Variants in CFAP54 observed in about 807,000 individuals in gnomAD.
CFAP54 encodes cilia- and flagella-associated protein 54.
CFAP54 carries 290 observed loss-of-function variants against 370.4 expected under a neutral mutation model. The observed-to-expected ratio is 0.78, with a 90% CI of 0.71 to 0.86. CFAP54 has a LOEUF of 0.86. CFAP54 is among the 40% of genes least tolerant of loss of function. The pLI is 0.00. For synonymous variants in CFAP54, 1,206 were observed against 1,236.5 expected (o/e 0.98, Z 0.52); for missense variants, 3,399 against 3,528.7 (o/e 0.96, Z 0.93).
intron 5 of CFAP54, among the ~76,000 whole-genome samples, chr12:96,513,708 A>G (rs1000630896): frequency 7.2e-5 from 11 of 151,948 alleles, no homozygotes; most frequent in African/African-American, 2.7e-4. Context: ...GCCACTTTGC[A>G]CTCTAGCCTG....
At chr12:96,850,968 G>T (rs1774991632) in intron 66 of CFAP54, among the ~76,000 whole-genome samples, 1 of 152,162 alleles carries the variant, frequency 6.6e-6, no homozygotes, top group African/African-American at 2.4e-5. Flanking sequence ...TGAGATTTGG[G>T]TGGGGACACA....
intron 44 of CFAP54, among the ~76,000 whole-genome samples, chr12:96,691,514 A>G (rs1592710901): frequency 1.3e-5 from 2 of 152,152 alleles, no homozygotes; most frequent in Non-Finnish European, 2.9e-5. Context: ...AAAGCAGTCT[A>G]TTTGACTTTT....
intron 35 of CFAP54, 128 bp from the exon 36 acceptor site, chr12:96,651,460 A>C (rs1956856537): frequency 6.9e-6 from 5 of 720,324 alleles, no homozygotes; most frequent in Non-Finnish European, 1.2e-5. Flanking sequence ...TAACTCATGT[A>C]AGTGACCCTA....
intron 63 of CFAP54, among the ~76,000 whole-genome samples, chr12:96,807,666 G>A (rs1231083567): frequency 2.0e-5 from 3 of 152,128 alleles, no homozygotes; most frequent in African/African-American, 7.2e-5. Context: ...CTGGCCCCTT[G>A]AAGACTGAAA....
At chr12:96,728,829 T>C (rs1592729562) in intron 50 of CFAP54, among the ~76,000 whole-genome samples, 2 of 152,270 alleles carry the variant, frequency 1.3e-5, no homozygotes, top group East Asian at 3.9e-4. Context: ...GGGTCTTTGA[T>C]GATGGTGATG....
intron 14 of CFAP54, among the ~76,000 whole-genome samples, chr12:96,544,274 T>G (rs188318893): frequency 6.6e-5 from 10 of 152,326 alleles, no homozygotes; most frequent in Admixed American, 3.9e-4. Context: ...GCATACCTTT[T>G]GTTAAAGAGT....
chr12:96,509,601 A>G (rs903081932), intron 4 of CFAP54, among the ~76,000 whole-genome samples: 1 of 151,992 alleles, frequency 6.6e-6, no homozygotes, highest in Admixed American at 6.6e-5. Flanking sequence ...AGATCACCTG[A>G]GGTCAGGAGT....
chr12:96,684,771 G>C, intron 41 of CFAP54, 36 bp downstream of exon 41: 1 of 1,502,650 alleles, frequency 6.7e-7, no homozygotes, highest in Non-Finnish European at 9.1e-7. Flanking sequence ...AAGGGCAAAG[G>C]TTTTTTATTT....
At chr12:96,506,145 C>T (rs2136352880) in intron 3 of CFAP54, among the ~76,000 whole-genome samples, 1 of 152,160 alleles carries the variant, frequency 6.6e-6, no homozygotes. Context: ...CGAGACCATC[C>T]TGGCTAACAC....
intron 65 of CFAP54, among the ~76,000 whole-genome samples, chr12:96,820,800 GCTCT>G (rs777035404): frequency 1.3e-5 from 2 of 152,026 alleles, no homozygotes; most frequent in Non-Finnish European, 2.9e-5. Flanking sequence ...AAATAATTCA[GCTCT>G]CTATTTTTAT....
intron 63 of CFAP54, among the ~76,000 whole-genome samples, chr12:96,796,097 A>G (rs1407428680): frequency 6.6e-6 from 1 of 152,144 alleles, no homozygotes; most frequent in African/African-American, 2.4e-5. Flanking sequence ...GAGGGTGGAC[A>G]TTCCCCCTCT....
chr12:96,580,881 A>G, intron 21 of CFAP54, 39 bp from the exon 22 acceptor site: 1 of 1,337,768 alleles, frequency 7.5e-7, no homozygotes, highest in Non-Finnish European at 9.8e-7. Context: ...TGTTATTTTA[A>G]TTTTTCATGT....
At chr12:96,531,026 T>C (rs559736797) in intron 9 of CFAP54, among the ~76,000 whole-genome samples, 1 of 152,330 alleles carries the variant, frequency 6.6e-6, no homozygotes, top group East Asian at 1.9e-4. Flanking sequence ...GTTAATTATT[T>C]CTCTTGAGTT....
Position 96,851,328 on chromosome 12 carries a change from G to A in CFAP54, c.9172-9491G>A, listed in dbSNP as rs972934964. Among the ~76,000 whole-genome samples the A allele has an allele frequency of 2.6e-5, 4 of 151,972 alleles. No homozygotes were observed. The South Asian group carries it at 8.3e-4, about 32-fold the overall frequency. On this transcript the variant is annotated intron_variant, in intron 66 of 67. Transcript: ENST00000524981. Reference sequence around the variant, plus strand: ...TTAGTAAAATGTTTGCTTCATAAATGTATCCTGACCATATTTAGGTGGTTT... The same window carrying A: ...TTAGTAAAATGTTTGCTTCATAAATATATCCTGACCATATTTAGGTGGTTT...
At chr12:96,581,745 T>C (rs1956035110) in intron 22 of CFAP54, among the ~76,000 whole-genome samples, 2 of 152,032 alleles carry the variant, frequency 1.3e-5, no homozygotes, top group African/African-American at 4.8e-5. Context: ...TAAATCATAG[T>C]ATACATATTA....
chr12:96,633,914 T>A (rs1420838563), intron 32 of CFAP54, among the ~76,000 whole-genome samples: 1 of 152,186 alleles, frequency 6.6e-6, no homozygotes, highest in Non-Finnish European at 1.5e-5. Context: ...ATATGAGTGA[T>A]CTAGTTTCTA....
chr12:96,846,541 G>T (rs1267858006), intron 66 of CFAP54, among the ~76,000 whole-genome samples: 1 of 152,096 alleles, frequency 6.6e-6, no homozygotes, highest in African/African-American at 2.4e-5. Flanking sequence ...TTTTCTCTAG[G>T]CCTTGGAGTC....
Position 96,786,772 on chromosome 12 carries a change from T to A in CFAP54, c.8553T>A (p.His2851Gln). 1 of 1,535,818 alleles carries A rather than the reference T, an allele frequency of 6.5e-7. No individual in the cohort carries two copies. The highest frequency in any genetic ancestry group is 8.7e-7 in the Non-Finnish European group (1 of 1,146,658). ...TGATTTTGCGCCAGAAAGAAGTGCA[T>A]TTTTTCCTTAAAAAATTCTTACAGC... ...SELILRQKEVHFFLKKFLQLY... is the reference protein window; with the variant it reads ...SELILRQKEVQFFLKKFLQLY... Residue 2851 changes from histidine to glutamine, a missense_variant, in exon 62 of 68, where the codon CAT (histidine) becomes CAA (glutamine). Physicochemically the swap from His to Gln is conservative, Grantham distance 24. Transcript: ENST00000524981.
chr12:96,686,289 C>A (rs556840437), intron 42 of CFAP54, among the ~76,000 whole-genome samples: 1 of 152,186 alleles, frequency 6.6e-6, no homozygotes, highest in Non-Finnish European at 1.5e-5. Flanking sequence ...GATTAGGGCC[C>A]ACCTCTGTGG....
Sources: allele counts gnomAD v4.1 joint callset (sites outside exome capture counted in the v4.1 genomes callset), GRCh38; gene constraint gnomAD v4.1.1; transcripts MANE v1.5; gene names NCBI Gene and HGNC (gene_info 2026-07-23, HGNC 2026-07-21).